Variants in GPCPD1 observed in about 807,000 individuals in gnomAD.
GPCPD1 encodes glycerophosphocholine phosphodiesterase GPCPD1.
A neutral mutation model predicts 89.2 loss-of-function variants in GPCPD1; 29 were observed. The observed-to-expected ratio is 0.33, with a 90% confidence interval of 0.24 to 0.44. The LOEUF (loss-of-function observed/expected upper bound fraction) is 0.44. GPCPD1 is among the 20% of genes least tolerant of loss of function. The pLI, the probability that GPCPD1 is intolerant of heterozygous loss-of-function variation, is 1.00. For synonymous variants in GPCPD1, 258 were observed against 266.3 expected (o/e 0.97, Z 0.30); for missense variants, 594 against 808.9 (o/e 0.73, Z 3.22).
At chr20:5,588,831 G>GAAAAAGAAAAA (rs1277125307) in intron 4 of GPCPD1, among the ~76,000 whole-genome samples, 1 of 143,424 alleles carries the variant, frequency 7.0e-6, no homozygotes, top group African/African-American at 2.6e-5. Flanking sequence ...TCTCAAAAAA[G>GAAAAAGAAAAA]AAAAAGAAAA....
chr20:5,599,048 C>T (rs528575925), intron 2 of GPCPD1, among the ~76,000 whole-genome samples: 30 of 152,246 alleles, frequency 2.0e-4, no homozygotes, highest in South Asian at 1.0e-3. Flanking sequence ...GGAAGGCATA[C>T]GGATGAAGTT....
chr20:5,596,812 C>CACAT (rs1399089161), intron 3 of GPCPD1, among the ~76,000 whole-genome samples: 1 of 152,204 alleles, frequency 6.6e-6, no homozygotes, highest in African/African-American at 2.4e-5. Flanking sequence ...TGTCTAAAGG[C>CACAT]ACATGGATTC....
In GPCPD1 at chr20:5,566,387, G is replaced by A. The variant is rs142063790; in HGVS notation, c.1267+346C>T. On this transcript the variant is annotated intron_variant, in intron 14 of 19. Coordinates refer to ENST00000379019, the MANE Select transcript of GPCPD1 (RefSeq NM_019593.5). Reference sequence around the variant, plus strand: ...GGTAGGCAGGACAAAGCTTGCCCACGGTCATAACAGGTAAATGAAGAGCTG... The same window carrying A: ...GGTAGGCAGGACAAAGCTTGCCCACAGTCATAACAGGTAAATGAAGAGCTG... 3.2e-4 allele frequency among the ~76,000 whole-genome samples: 49 copies of A among 152,266 alleles called. 1 individual carries two copies. In the East Asian group the frequency reaches 7.1e-3, roughly 22 times the overall value.
chr20:5,586,147 A>T (rs1568667937), intron 5 of GPCPD1, 47 bp downstream of exon 5: 1 of 897,120 alleles, frequency 1.1e-6, no homozygotes, highest in Non-Finnish European at 1.9e-6. Context: ...GCAGCATATT[A>T]GTAACTTTAT....
rs1341258968 is a variant in GPCPD1, at chr20:5,593,292, C to A, written c.231+35G>T. Reference sequence around the variant, plus strand: ...AAGTGAGTTGCTTTTGAAGGAAGTGCTAAAGGAATTGGAAACTAGATAAAG... The same window carrying A: ...AAGTGAGTTGCTTTTGAAGGAAGTGATAAAGGAATTGGAAACTAGATAAAG... On this transcript the variant is annotated intron_variant, in intron 4 of 19. Coordinates refer to ENST00000379019, the MANE Select transcript of GPCPD1 (RefSeq NM_019593.5). 7.6e-6 allele frequency: 8 copies of A among 1,048,568 alleles called. No individual in the cohort carries two copies. In the East Asian group the frequency reaches 1.9e-4, roughly 25 times the overall value. The allele number at this position is 1,048,568 out of a possible 1,614,324, so 65.0% of individuals were successfully genotyped here. A position where few individuals can be genotyped will look rare whatever the true frequency, so the allele number is the denominator to read the frequency against.
intron 11 of GPCPD1, among the ~76,000 whole-genome samples, chr20:5,571,326 A>C (rs1009449786): frequency 3.3e-5 from 5 of 152,254 alleles, no homozygotes; most frequent in African/African-American, 4.8e-5. Flanking sequence ...TCTAACTATT[A>C]AACATTTTAA....
At chr20:5,594,660 G>T (rs1361115811) in intron 3 of GPCPD1, among the ~76,000 whole-genome samples, 1 of 152,170 alleles carries the variant, frequency 6.6e-6, no homozygotes, top group Admixed American at 6.5e-5. Context: ...CGTTAATTCA[G>T]CATGAGTAGT....
intron 6 of GPCPD1, among the ~76,000 whole-genome samples, chr20:5,581,811 T>G (rs923735662): frequency 5.9e-5 from 8 of 135,586 alleles, no homozygotes; most frequent in Non-Finnish European, 1.3e-4. Context: ...TGTGGGACTT[T>G]AACTTTTTTT....
intron 17 of GPCPD1, 126 bp downstream of exon 17, chr20:5,559,814 C>T: frequency 1.9e-6 from 1 of 536,040 alleles, no homozygotes; most frequent in Non-Finnish European, 3.3e-6. Context: ...AGGAAACACA[C>T]AACCTGACAT....
At chr20:5,593,021 C>G (rs1377724457) in intron 4 of GPCPD1, among the ~76,000 whole-genome samples, 1 of 152,148 alleles carries the variant, frequency 6.6e-6, no homozygotes, top group African/African-American at 2.4e-5. Flanking sequence ...AAAGTAAAAG[C>G]TCTGCAAGTG....
At position 5,549,331 on chromosome 20, in the gene GPCPD1, T is replaced by C; in HGVS notation, c.1830-1481A>G. The C allele has an allele frequency of 2.8e-6, 3 of 1,088,688 alleles. No individual in the cohort carries two copies. The South Asian group carries it at 3.7e-5, about 13-fold the overall frequency. 67.4% of individuals were successfully genotyped at this position (1,088,688 alleles called of 1,614,324 possible). ...GTGATAAGATAGCAGTATGGACTAC[T>C]GAATGTGAAAACAGAGAAGCTGTTA... On this transcript the variant is annotated intron_variant, in intron 19 of 19. Transcript: ENST00000379019.
intron 4 of GPCPD1, among the ~76,000 whole-genome samples, chr20:5,588,527 C>T (rs377399841): frequency 2.7e-5 from 4 of 148,788 alleles, no homozygotes; most frequent in East Asian, 4.0e-4. Context: ...CAAATACATA[C>T]ATAAAAATAG....
chr20:5,554,845 C>G (rs530953240), intron 19 of GPCPD1, among the ~76,000 whole-genome samples: 8 of 152,292 alleles, frequency 5.3e-5, no homozygotes, highest in African/African-American at 9.6e-5. Flanking sequence ...TTTATCATTC[C>G]AGATACCATT....
At chr20:5,555,675 G>A (rs1985721902) in intron 19 of GPCPD1, among the ~76,000 whole-genome samples, 1 of 152,182 alleles carries the variant, frequency 6.6e-6, no homozygotes, top group African/African-American at 2.4e-5. Flanking sequence ...GGCCAACATG[G>A]CAAAACCTCT....
At chr20:5,606,511 A>G (rs543199480) in intron 1 of GPCPD1, among the ~76,000 whole-genome samples, 2 of 152,232 alleles carry the variant, frequency 1.3e-5, no homozygotes, top group South Asian at 4.2e-4. Flanking sequence ...ACTGCTACAC[A>G]CAATTAACCA....
intron 1 of GPCPD1, 135 bp downstream of exon 1, chr20:5,610,707 G>C (rs1182810624): frequency 1.4e-5 from 2 of 147,912 alleles, no homozygotes; most frequent in African/African-American, 5.0e-5. Context: ...GGCAGTGGCC[G>C]GCCCGGCCCG....
At chr20:5,553,674 G>A (rs1985566046) in intron 19 of GPCPD1, among the ~76,000 whole-genome samples, 1 of 152,164 alleles carries the variant, frequency 6.6e-6, no homozygotes, top group Admixed American at 6.5e-5. Context: ...TAAGGAGAAA[G>A]TTTTAATGGC....
Position 5,575,501 on chromosome 20 carries a change from T to C in GPCPD1, c.913A>G (p.Met305Val), listed in dbSNP as rs148544005. The C allele has an allele frequency of 3.3e-5, 52 of 1,588,644 alleles. No homozygotes were observed. In the Admixed American group the frequency reaches 3.3e-4, roughly 10 times the overall value. ...IKPLPGYSCD[M>V]KSSFSKYWKP... ...CAATACTTGGAAAATGAAGATTTCA[T>C]GTCACAACTGTATCCTGGTAATGGC... The change falls in exon 10 of 20, where the codon ATG (methionine) becomes GTG (valine). Residue 305 changes from methionine to valine, a missense_variant. Physicochemically the swap from Met to Val is conservative, Grantham distance 21 (BLOSUM62 1). Coordinates refer to ENST00000379019, the MANE Select transcript of GPCPD1 (RefSeq NM_019593.5).
intron 3 of GPCPD1, among the ~76,000 whole-genome samples, chr20:5,594,234 T>A (rs1979538307): frequency 6.6e-6 from 1 of 152,082 alleles, no homozygotes; most frequent in Admixed American, 6.6e-5. Context: ...CCAGACTTAT[T>A]GAATTAGGAA....
Sources: gnomAD v4.1 joint callset for allele counts (sites outside exome capture counted in the v4.1 genomes callset) on GRCh38, gnomAD v4.1.1 for gene constraint, MANE v1.5 for transcripts, NCBI Gene and HGNC (gene_info 2026-07-23, HGNC 2026-07-21) for gene names.